The following KCNIP4 variants were observed in gnomAD, a reference collection of about 807,000 sequenced individuals.
KCNIP4 encodes the protein Kv channel-interacting protein 4.
In KCNIP4, 12 loss-of-function variants were observed where a neutral mutation model predicts 34.0. The ratio of observed to expected loss-of-function variants is 0.35; its 90% CI spans 0.23 to 0.57. KCNIP4 has a LOEUF of 0.57. Among genes scored for constraint, KCNIP4 ranks in the 20% least tolerant of loss-of-function variants. The probability of loss-of-function intolerance (pLI) is 0.83; values close to 1 mark genes in which losing one functional copy is unlikely to be tolerated. For synonymous variants in KCNIP4, 124 were observed against 102.2 expected (o/e 1.21, Z -1.29); for missense variants, 238 against 311.7 (o/e 0.76, Z 1.78).
intron 1 of KCNIP4, among the ~76,000 whole-genome samples, chr4:21,930,307 C>A (rs1464048191): frequency 1.3e-5 from 2 of 152,122 alleles, no homozygotes; most frequent in Non-Finnish European, 2.9e-5. Context: ...AACACCTCTT[C>A]TCTACCTTCC....
intron 1 of KCNIP4, among the ~76,000 whole-genome samples, chr4:21,589,235 GATACATAT>G (rs59940944): frequency 0.12 from 13,484 of 109,636 alleles, 1,084 homozygotes; most frequent in Middle Eastern, 0.2. Context: ...TATCTATACA[GATACATAT>G]ATACATATAT....
chr4:21,094,950 A>G (rs147937949), intron 1 of KCNIP4, among the ~76,000 whole-genome samples: 30 of 152,326 alleles, frequency 2.0e-4, no homozygotes, highest in African/African-American at 6.3e-4. Context: ...CTTAACCTTT[A>G]CATGATACTG....
At chr4:20,989,983 G>T (rs975796247) in intron 1 of KCNIP4, among the ~76,000 whole-genome samples, 2 of 152,054 alleles carry the variant, frequency 1.3e-5, no homozygotes, top group African/African-American at 4.8e-5. Flanking sequence ...CAAAACAAAA[G>T]ACAGCATTCA....
At chr4:21,337,660 A>G (rs1296800951) in intron 1 of KCNIP4, among the ~76,000 whole-genome samples, 1 of 152,164 alleles carries the variant, frequency 6.6e-6, no homozygotes, top group African/African-American at 2.4e-5. Flanking sequence ...AATGCCTCCT[A>G]AGAGGCTTCA....
chr4:21,906,326 C>T (rs1727999904), intron 1 of KCNIP4, among the ~76,000 whole-genome samples: 1 of 152,062 alleles, frequency 6.6e-6, no homozygotes, highest in Non-Finnish European at 1.5e-5. Flanking sequence ...GCAAAAGTGT[C>T]CTTGTCTAAG....
chr4:21,750,557 A>G (rs75859779), intron 1 of KCNIP4, among the ~76,000 whole-genome samples: 2,385 of 152,264 alleles, frequency 0.016, 29 homozygotes, highest in Non-Finnish European at 0.027. Context: ...ACATCCTTTG[A>G]GGAAAGTGGC....
intron 2 of KCNIP4, among the ~76,000 whole-genome samples, chr4:20,865,905 G>A (rs1199015369): frequency 6.6e-6 from 1 of 151,970 alleles, no homozygotes; most frequent in Non-Finnish European, 1.5e-5. Flanking sequence ...CTTGACTACA[G>A]TAAGTGTTTC....
intron 3 of KCNIP4, among the ~76,000 whole-genome samples, chr4:20,805,988 C>A (rs1298857154): frequency 6.6e-6 from 1 of 152,090 alleles, no homozygotes; most frequent in African/African-American, 2.4e-5. Context: ...AGATTCAAAT[C>A]ATCTACTATT....
intron 1 of KCNIP4, among the ~76,000 whole-genome samples, chr4:21,006,444 TAGAA>T (rs1295184955): frequency 6.6e-6 from 1 of 152,162 alleles, no homozygotes; most frequent in African/African-American, 2.4e-5. Context: ...AGCCGTAAGA[TAGAA>T]AGAAACTTGC....
At chr4:21,458,066 A>G (rs942519928) in intron 1 of KCNIP4, among the ~76,000 whole-genome samples, 1 of 151,278 alleles carries the variant, frequency 6.6e-6, no homozygotes, top group African/African-American at 2.4e-5. Flanking sequence ...ATATGTATAC[A>G]TGTGCCATGC....
At chr4:21,768,301 T>C (rs1422402095) in intron 1 of KCNIP4, among the ~76,000 whole-genome samples, 2 of 152,126 alleles carry the variant, frequency 1.3e-5, no homozygotes, top group East Asian at 1.9e-4. Flanking sequence ...ATGTGAAGTA[T>C]AGATTCTGCT....
chr4:21,481,319 C>T (rs1731409085), intron 1 of KCNIP4, among the ~76,000 whole-genome samples: 1 of 152,158 alleles, frequency 6.6e-6, no homozygotes, highest in African/African-American at 2.4e-5. Flanking sequence ...AGGTGAGTCC[C>T]TCACAACATG....
chr4:21,171,543 C>G (rs908908421), intron 1 of KCNIP4, among the ~76,000 whole-genome samples: 10 of 152,108 alleles, frequency 6.6e-5, no homozygotes, highest in Admixed American at 3.9e-4. Flanking sequence ...ATTTTCAGAA[C>G]AGCGATGGGA....
chr4:21,023,152 GAA>G (rs1324201984), intron 1 of KCNIP4, among the ~76,000 whole-genome samples: 1 of 152,000 alleles, frequency 6.6e-6, no homozygotes, highest in African/African-American at 2.4e-5. Flanking sequence ...AATGCCTCAG[GAA>G]AGGCAATATA....
At chr4:21,132,872 A>G (rs552473976) in intron 1 of KCNIP4, among the ~76,000 whole-genome samples, 3 of 134,118 alleles carry the variant, frequency 2.2e-5, no homozygotes, top group African/African-American at 8.6e-5. Flanking sequence ...AAAAAAAAAA[A>G]AAATTAGCCA....
In KCNIP4 at chr4:20,850,613, AG is replaced by A; in HGVS notation, c.217del (p.Glu74SerfsTer67). 1 of 1,612,816 alleles carries A rather than the reference AG, an allele frequency of 6.2e-7. No homozygotes were observed. The highest frequency in any genetic ancestry group is 8.5e-7 in the Non-Finnish European group (1 of 1,179,664). ...TTTGCTCTGGGCTTCCAGAAGCTCAAGGGCTTCAGGCCGATGCCTGACGGTG... is the reference window on the plus strand; with the variant it reads ...TTTGCTCTGGGCTTCCAGAAGCTCAAGGCTTCAGGCCGATGCCTGACGGTG... ...MATVRHRPEALELLEAQSKFT... is the reference protein window; with the variant it reads ...MATVRHRPEAXELLEAQSKFT... On this transcript the variant is annotated frameshift_variant, in exon 3 of 9. Coordinates refer to ENST00000382152, the MANE Select transcript of KCNIP4 (RefSeq NM_025221.6). LOFTEE classifies it high-confidence loss of function.
chr4:21,868,883 C>A (rs770048171), intron 1 of KCNIP4, among the ~76,000 whole-genome samples: 3 of 152,086 alleles, frequency 2.0e-5, no homozygotes, highest in East Asian at 1.9e-4. Flanking sequence ...CATATTTACA[C>A]GACAGGTTGA....
chr4:20,969,465 A>G (rs1734704121), intron 1 of KCNIP4, among the ~76,000 whole-genome samples: 1 of 152,166 alleles, frequency 6.6e-6, no homozygotes, highest in South Asian at 2.1e-4. Context: ...CTGACACTGC[A>G]GTGACCCAAA....
chr4:20,875,112 A>C (rs111359197), intron 2 of KCNIP4, among the ~76,000 whole-genome samples: 1 of 152,168 alleles, frequency 6.6e-6, no homozygotes, highest in African/African-American at 2.4e-5. Flanking sequence ...AAAAAAAAAA[A>C]ACTCATTCAA....
Sources: allele counts gnomAD v4.1 joint callset (sites outside exome capture counted in the v4.1 genomes callset), GRCh38; gene constraint gnomAD v4.1.1; transcripts MANE v1.5; gene names NCBI Gene and HGNC (gene_info 2026-07-23, HGNC 2026-07-21).